The following OTOF variants were observed in gnomAD, a reference collection of about 807,000 sequenced individuals.
OTOF encodes the protein fer-1-like family member 2.
In OTOF, 218 loss-of-function variants were observed where a neutral mutation model predicts 236.8. That is an observed-to-expected ratio of 0.92 (90% CI 0.82 to 1.03). The LOEUF (loss-of-function observed/expected upper bound fraction) is 1.03, where lower values mean the gene tolerates loss of function less well. OTOF is among the 50% of genes least tolerant of loss of function. OTOF has a pLI of 0.00. For synonymous variants in OTOF, 1,041 were observed against 1,072.5 expected, an observed-to-expected ratio of 0.97 and a Z score of 0.57; for missense variants, 2,590 against 2,694.4, an observed-to-expected ratio of 0.96 and a Z score of 0.86.
chr2:26,468,874 G>A (rs1558474742), intron 32 of OTOF, among the ~76,000 whole-genome samples: 1 of 147,422 alleles, frequency 6.8e-6, no homozygotes, highest in Non-Finnish European at 1.5e-5. Flanking sequence ...GACACAGGGA[G>A]GGGAACATCA....
rs769432101 is a variant in OTOF, at chr2:26,489,235, C to T, written c.1021G>A (p.Val341Met). Residue 341 changes from valine to methionine, a missense_variant, in exon 11 of 47, where the codon GTG (valine) becomes ATG (methionine). By Grantham distance (21) the Val-to-Met change is conservative. Transcript: ENST00000272371. ...GTLVGSFKMD[V>M]GTVYSQPEHQ... is the part of the protein sequence containing the mutation. ...CCTGGCTGCGAGTACACGGTTCCCA[C>T]GTCCATTTTGAAGGAGCCCACCAGG... 67 of 1,612,726 alleles carry T rather than the reference C, an allele frequency of 4.2e-5. No homozygotes were observed. The highest frequency in any genetic ancestry group is 5.3e-5 in the Non-Finnish European group (62 of 1,179,618).
intron 2 of OTOF, among the ~76,000 whole-genome samples, chr2:26,528,561 G>T (rs1468314774): frequency 6.6e-6 from 1 of 152,208 alleles, no homozygotes; most frequent in African/African-American, 2.4e-5. Flanking sequence ...CTTCTTCGTT[G>T]CTTCCTCCCT....
rs2148041028 is a variant in OTOF, at chr2:26,473,045, G to A, written c.3733+87C>T. Reference sequence around the variant, plus strand: ...CCCTCGGCCCCAAAGAGCAAACTCTGGTCGCGGCTTGGACTGGGCGGAGAC... The same window carrying A: ...CCCTCGGCCCCAAAGAGCAAACTCTAGTCGCGGCTTGGACTGGGCGGAGAC... On this transcript the variant is annotated intron_variant, in intron 29 of 46. Coordinates refer to ENST00000272371, the MANE Select transcript of OTOF (RefSeq NM_194248.3). This position sits in a 1 kb window ranked among gnomAD's most constrained non-coding sequence, Gnocchi z 7.2. 7.1e-7 allele frequency: 1 copy of A among 1,411,224 alleles called. No individual in the cohort carries two copies. The allele number at this position is 1,411,224 out of a possible 1,614,324, so 87.4% of individuals were successfully genotyped here. A position where few individuals can be genotyped will look rare whatever the true frequency, so the allele number is the denominator to read the frequency against.
At chr2:26,509,383 G>C (rs1666327590) in intron 5 of OTOF, among the ~76,000 whole-genome samples, 2 of 152,146 alleles carry the variant, frequency 1.3e-5, no homozygotes, top group African/African-American at 4.8e-5. Flanking sequence ...TGGGAACCTG[G>C]CAAACTCCTC....
rs1192130440 is a variant in OTOF, at chr2:26,519,105, T to C, written c.232A>G (p.Ile78Val). 2.5e-6 allele frequency: 4 copies of C among 1,595,772 alleles called. No homozygotes were observed. The highest frequency in any genetic ancestry group is 3.4e-6 in the Non-Finnish European group (4 of 1,167,864). Reference sequence around the variant, plus strand: ...TGCAGCACCATGCGGAAGGTCCCGATGAGCCTGGGGATGGCAGAGGGGGCA... The same window carrying C: ...TGCAGCACCATGCGGAAGGTCCCGACGAGCCTGGGGATGGCAGAGGGGGCA... ...NYSKVFSNKL[I>V]GTFRMVLQKV... Residue 78 changes from isoleucine (I) to valine (V), a missense_variant, in exon 4 of 47, where the codon ATC becomes GTC. Transcript: ENST00000272371.
chr2:26,530,368 G>A (rs1666915355), intron 2 of OTOF, among the ~76,000 whole-genome samples: 1 of 152,174 alleles, frequency 6.6e-6, no homozygotes, highest in Admixed American at 6.5e-5. Context: ...CGGGGCCCCT[G>A]ACTGCAGATG....
intron 4 of OTOF, among the ~76,000 whole-genome samples, chr2:26,517,836 A>G (rs1202687099): frequency 2.6e-5 from 4 of 152,114 alleles, no homozygotes; most frequent in Non-Finnish European, 5.9e-5. Context: ...CTGATTCTGA[A>G]AATCCAGGGC....
At position 26,473,593 on chromosome 2, in the gene OTOF, AG is replaced by A; in HGVS notation, c.3409-27del. ...CTGGGAGAGGTTGGAGGGTGGGTGC[AG>A]AGAAGAGAGCCCCTTAGTCAAGGGA... On this transcript the variant is annotated intron_variant, in intron 27 of 46. Transcript: ENST00000272371. The surrounding 1 kb of genome is among the most constrained non-coding windows in gnomAD (Gnocchi z 7.2). 6.3e-7 allele frequency: 1 copy of A among 1,582,874 alleles called. No homozygotes were observed. The highest frequency in any genetic ancestry group is 8.6e-7 in the Non-Finnish European group (1 of 1,169,022).
intron 2 of OTOF, among the ~76,000 whole-genome samples, chr2:26,534,942 G>A (rs945015995): frequency 6.6e-6 from 1 of 152,260 alleles, no homozygotes; most frequent in Non-Finnish European, 1.5e-5. Flanking sequence ...CTTTCAGGGG[G>A]AAGCCAGGGA....
chr2:26,522,232 G>A (rs747919480), intron 3 of OTOF, among the ~76,000 whole-genome samples: 3 of 152,148 alleles, frequency 2.0e-5, no homozygotes, highest in Non-Finnish European at 4.4e-5. Context: ...TATATTTTTT[G>A]ACATGGACAA....
At chr2:26,502,021 G>A (rs1666126077) in intron 7 of OTOF, among the ~76,000 whole-genome samples, 1 of 152,162 alleles carries the variant, frequency 6.6e-6, no homozygotes, top group South Asian at 2.1e-4. Context: ...AGACAGACAT[G>A]GGGTCAATAG....
At chr2:26,510,845 G>T in intron 5 of OTOF, 1 of 702,662 alleles carries the variant, frequency 1.4e-6, no homozygotes, top group Non-Finnish European at 2.1e-6. Flanking sequence ...GGGCCTGCAC[G>T]CTCCCCGGGG....
Position 26,461,662 on chromosome 2 carries a change from G to A in OTOF, c.5533+34C>T, listed in dbSNP as rs1238463363. 8 of 1,612,248 alleles carry A rather than the reference G, an allele frequency of 5.0e-6. No individual in the cohort carries two copies. The highest frequency in any genetic ancestry group is 6.8e-6 in the Non-Finnish European group (8 of 1,179,962). ...CGGCCCCTGCCTCTTCTCAGTTCTGGATCCTGAACCCCCATCCCTGCCCTG... is the reference window on the plus strand; with the variant it reads ...CGGCCCCTGCCTCTTCTCAGTTCTGAATCCTGAACCCCCATCCCTGCCCTG... On this transcript the variant is annotated intron_variant, in intron 43 of 46. Transcript: ENST00000272371. The surrounding 1 kb of genome is among the most constrained non-coding windows in gnomAD (Gnocchi z 6.2).
rs77681659 is a variant in OTOF at position 26,530,327 on chromosome 2, G to T, written c.139-2407C>A. Among the ~76,000 whole-genome samples, 457 of 152,250 alleles carry T rather than the reference G, an allele frequency of 3.0e-3. 2 individuals are homozygous for T. Among genetic ancestry groups the T allele is most frequent in the African/African-American group, 0.011 (444 of 41,536 alleles). On this transcript the variant is annotated intron_variant, in intron 2 of 46. Coordinates refer to ENST00000272371, the MANE Select transcript of OTOF (RefSeq NM_194248.3). ...CCAGTTTGTTGAGTGAGAGTCGGGGGACAGGGAGGGCACAGGAGACAGGGG... is the reference window on the plus strand; with the variant it reads ...CCAGTTTGTTGAGTGAGAGTCGGGGTACAGGGAGGGCACAGGAGACAGGGG...
chr2:26,459,290 C>T (rs140879370), intron 46 of OTOF, among the ~76,000 whole-genome samples: 4,636 of 152,180 alleles, frequency 0.03, 212 homozygotes, highest in African/African-American at 0.1. Context: ...CGGTGGCTCA[C>T]GCCTGTAATC....
intron 3 of OTOF, among the ~76,000 whole-genome samples, chr2:26,526,527 A>G (rs992233847): frequency 3.9e-5 from 6 of 152,150 alleles, no homozygotes; most frequent in Non-Finnish European, 8.8e-5. Flanking sequence ...GGATGGATGA[A>G]TGGATGAATA....
In OTOF at chr2:26,475,496, G is replaced by T; in HGVS notation, c.2992-3C>A. ...GGACACAGGGTCTCATTCAGCACCT[G>T]CAGCATGGGATGGGGAGACAGGGGA... On this transcript the variant is annotated splice_polypyrimidine_tract_variant and splice_region_variant and intron_variant, in intron 24 of 46. Coordinates refer to ENST00000272371, the MANE Select transcript of OTOF (RefSeq NM_194248.3). 6.2e-7 allele frequency: 1 copy of T among 1,612,426 alleles called. No homozygotes were observed. Among genetic ancestry groups the T allele is most frequent in the East Asian group, 2.2e-5 (1 of 44,848 alleles).
intron 3 of OTOF, among the ~76,000 whole-genome samples, chr2:26,521,504 G>A (rs1666676881): frequency 6.6e-6 from 1 of 152,326 alleles, no homozygotes; most frequent in Admixed American, 6.5e-5. Flanking sequence ...ACCTTGTCCA[G>A]CGCCCCTTCC....
At chr2:26,483,430 G>C in intron 13 of OTOF, 32 bp downstream of exon 13, 3 of 1,605,112 alleles carry the variant, frequency 1.9e-6, no homozygotes, top group Non-Finnish European at 2.6e-6. Flanking sequence ...CTGTCACCCA[G>C]CCCCAGCCTC....
Sources: allele counts gnomAD v4.1 joint callset (sites outside exome capture counted in the v4.1 genomes callset), GRCh38; gene constraint gnomAD v4.1.1; non-coding constraint Gnocchi (gnomAD v3.1); transcripts MANE v1.5; gene names NCBI Gene and HGNC (gene_info 2026-07-23, HGNC 2026-07-21).